The following GRIN2A variants were observed in gnomAD, a reference collection of about 807,000 sequenced individuals.
GRIN2A encodes the protein glutamate ionotropic receptor NMDA type subunit 2A, also known as glutamate receptor ionotropic, NMDA 2A.
GRIN2A carries 22 observed loss-of-function variants against 113.4 expected under a neutral mutation model. The observed-to-expected ratio is 0.19, with a 90% CI of 0.14 to 0.28. GRIN2A has a LOEUF of 0.28. Ranked by LOEUF, GRIN2A falls within the 10% of genes least tolerant of loss-of-function variation. The pLI, the probability that GRIN2A is intolerant of heterozygous loss-of-function variation, is 1.00. For missense variants in GRIN2A, 1,502 were observed against 1,887.0 expected, an observed-to-expected ratio of 0.80 and a Z score of 3.78; for synonymous variants, 827 against 738.4, an observed-to-expected ratio of 1.12 and a Z score of -1.94.
intron 4 of GRIN2A, among the ~76,000 whole-genome samples, chr16:9,877,209 C>A (rs9928908): frequency 6.6e-6 from 1 of 151,880 alleles, no homozygotes; most frequent in Non-Finnish European, 1.5e-5. Context: ...GGTTATTATG[C>A]GGCTAAAGTG....
chr16:9,887,743 A>G lies in GRIN2A; in HGVS notation c.1122+3243T>C, dbSNP rs139671179. 7.7e-3 allele frequency among the ~76,000 whole-genome samples: 1,174 copies of G among 152,256 alleles called. 16 individuals are homozygous for G. The highest frequency in any genetic ancestry group is 0.026 in the African/African-American group (1,092 of 41,556). On this transcript the variant is annotated intron_variant, in intron 4 of 12. Transcript: ENST00000330684. ...TTGTGTGTGTATGTGTACGTTTATT[A>G]AAAAACAAACAAAAAAAACACACAC...
At chr16:9,929,991 A>G (rs960776787) in intron 3 of GRIN2A, among the ~76,000 whole-genome samples, 3 of 152,164 alleles carry the variant, frequency 2.0e-5, no homozygotes, top group Non-Finnish European at 2.9e-5. Flanking sequence ...TTGGGTGCCA[A>G]TTGGAAATGA....
chr16:10,095,084 AT>A (rs1244975764), intron 2 of GRIN2A, among the ~76,000 whole-genome samples: 1 of 151,794 alleles, frequency 6.6e-6, no homozygotes, highest in Non-Finnish European at 1.5e-5. Context: ...AAGAAGAGAG[AT>A]TTCTCTCTCT....
chr16:9,852,230 G>A (rs1434418631), intron 4 of GRIN2A, among the ~76,000 whole-genome samples: 4 of 152,204 alleles, frequency 2.6e-5, no homozygotes, highest in African/African-American at 4.8e-5. Flanking sequence ...GAGTTATAAC[G>A]TGGGGCTTTC....
chr16:9,915,898 G>C (rs2044240161), intron 3 of GRIN2A, among the ~76,000 whole-genome samples: 1 of 152,232 alleles, frequency 6.6e-6, no homozygotes, highest in Non-Finnish European at 1.5e-5. Flanking sequence ...CAGTATGCCA[G>C]ACACACTCTA....
At chr16:9,971,933 G>C (rs2045678761) in intron 2 of GRIN2A, among the ~76,000 whole-genome samples, 2 of 152,174 alleles carry the variant, frequency 1.3e-5, no homozygotes. Flanking sequence ...ACCTAGGTCT[G>C]ACAGCATGCT....
chr16:10,140,990 T>G (rs532528897), intron 2 of GRIN2A, among the ~76,000 whole-genome samples: 189 of 151,870 alleles, frequency 1.2e-3, no homozygotes, highest in African/African-American at 4.4e-3. Flanking sequence ...GCCCAGGAGT[T>G]TGAGACCAGC....
chr16:9,843,948 T>C (rs2042727310), intron 5 of GRIN2A, among the ~76,000 whole-genome samples: 1 of 152,236 alleles, frequency 6.6e-6, no homozygotes, highest in Admixed American at 6.5e-5. Flanking sequence ...CATTTCCTTC[T>C]TAGTATACAT....
intron 3 of GRIN2A, among the ~76,000 whole-genome samples, chr16:9,894,161 G>T (rs1449193326): frequency 6.6e-6 from 1 of 152,156 alleles, no homozygotes; most frequent in East Asian, 1.9e-4. Flanking sequence ...GTCAGCAAAG[G>T]TAGTAACACA....
chr16:9,854,290 C>T (rs190788446), intron 4 of GRIN2A, among the ~76,000 whole-genome samples: 1 of 151,770 alleles, frequency 6.6e-6, no homozygotes, highest in African/African-American at 2.4e-5. Flanking sequence ...AACTTCAGCC[C>T]CCGAGACTCA....
intron 11 of GRIN2A, among the ~76,000 whole-genome samples, chr16:9,770,864 C>T (rs1282321375): frequency 3.3e-5 from 5 of 152,130 alleles, no homozygotes; most frequent in African/African-American, 7.2e-5. Flanking sequence ...TACCTCTCCC[C>T]GCTCCCTTCG....
chr16:9,846,685 G>T (rs2042777711), intron 5 of GRIN2A, among the ~76,000 whole-genome samples: 1 of 152,208 alleles, frequency 6.6e-6, no homozygotes, highest in South Asian at 2.1e-4. Context: ...AAAGACAGGT[G>T]ATGAGGGTAG....
At chr16:9,867,109 T>C (rs949598943) in intron 4 of GRIN2A, among the ~76,000 whole-genome samples, 19 of 152,282 alleles carry the variant, frequency 1.2e-4, no homozygotes, top group African/African-American at 4.1e-4. Flanking sequence ...ACAATTTTCC[T>C]GCCCCCACTT....
chr16:9,811,886 C>T lies in GRIN2A; in HGVS notation c.2168+10378G>A, dbSNP rs56264623. 4.1e-3 allele frequency among the ~76,000 whole-genome samples: 617 copies of T among 152,300 alleles called. 2 individuals carry two copies. The highest frequency in any genetic ancestry group is 0.037 in the Middle Eastern group (11 of 294). ...TGACCATGTGCTTCCTGTGGCTTGG[C>T]TCGAATAGAAGAAATTCATTTCCTC... On this transcript the variant is annotated intron_variant, in intron 10 of 12. Transcript: ENST00000330684.
At chr16:10,122,037 A>T (rs1388467180) in intron 2 of GRIN2A, among the ~76,000 whole-genome samples, 1 of 152,206 alleles carries the variant, frequency 6.6e-6, no homozygotes. Flanking sequence ...GATGAACTTC[A>T]AGCACCAAGC....
intron 2 of GRIN2A, among the ~76,000 whole-genome samples, chr16:10,116,536 C>T (rs2048731536): frequency 6.6e-6 from 1 of 152,136 alleles, no homozygotes; most frequent in South Asian, 2.1e-4. Context: ...AGGGGAATTA[C>T]TTCAGTTAAG....
At chr16:9,788,051 C>G (rs1363022894) in intron 11 of GRIN2A, among the ~76,000 whole-genome samples, 1 of 152,158 alleles carries the variant, frequency 6.6e-6, no homozygotes, top group African/African-American at 2.4e-5. Context: ...TCTGAGACAT[C>G]TTCAATTTCA....
chr16:10,111,944 C>T, intron 2 of GRIN2A: 1 of 737,682 alleles, frequency 1.4e-6, no homozygotes, highest in Non-Finnish European at 2.4e-6. Flanking sequence ...CTGATGGTGG[C>T]TCCAGCAGGC....
chr16:10,158,620 G>A (rs1320690823), intron 2 of GRIN2A, among the ~76,000 whole-genome samples: 3 of 152,204 alleles, frequency 2.0e-5, no homozygotes, highest in East Asian at 3.8e-4. Flanking sequence ...TTCATGCTAC[G>A]ACATGGATGG....
Sources: gnomAD v4.1 joint callset for allele counts (sites outside exome capture counted in the v4.1 genomes callset) on GRCh38, gnomAD v4.1.1 for gene constraint, MANE v1.5 for transcripts, NCBI Gene and HGNC (gene_info 2026-07-23, HGNC 2026-07-21) for gene names.